Variants in TULP4 observed in about 807,000 individuals in gnomAD.
TULP4 encodes the protein TUB like protein 4, also known as tubby-related protein 4.
TULP4 carries 16 observed loss-of-function variants against 129.0 expected under a neutral mutation model. The observed-to-expected ratio is 0.12, with a 90% CI of 0.08 to 0.19. The LOEUF (loss-of-function observed/expected upper bound fraction) is 0.19, where lower values mean the gene tolerates loss of function less well. Ranked by LOEUF, TULP4 falls within the 10% of genes least tolerant of loss-of-function variation. The pLI is 1.00. For synonymous variants in TULP4, 998 were observed against 854.0 expected, an observed-to-expected ratio of 1.17 and a Z score of -2.94; for missense variants, 1,842 against 2,059.1, an observed-to-expected ratio of 0.89 and a Z score of 2.04.
chr6:158,239,039 G>A (rs1777788337), intron 1 of TULP4, among the ~76,000 whole-genome samples: 1 of 141,102 alleles, frequency 7.1e-6, no homozygotes, highest in Non-Finnish European at 1.6e-5. Context: ...CGGACGAGGC[G>A]GCTGGCCGGG....
At chr6:158,248,271 G>A (rs1374872548) in intron 1 of TULP4, among the ~76,000 whole-genome samples, 4 of 151,448 alleles carry the variant, frequency 2.6e-5, no homozygotes, top group African/African-American at 7.3e-5. Flanking sequence ...GCCAGGCCTC[G>A]TCTTTTTTTT....
At chr6:158,333,558 TCACCTTCCCTCTGCC>T (rs1320759599) in intron 1 of TULP4, among the ~76,000 whole-genome samples, 1 of 152,236 alleles carries the variant, frequency 6.6e-6, no homozygotes, top group African/African-American at 2.4e-5. Flanking sequence ...CAGTTCTTCT[TCACCTTCCCTCTGCC>T]CACCTTCCCA....
intron 3 of TULP4, among the ~76,000 whole-genome samples, chr6:158,433,976 G>A (rs1303982291): frequency 6.6e-6 from 1 of 152,204 alleles, no homozygotes; most frequent in Admixed American, 6.5e-5. Flanking sequence ...CCAAGATCAA[G>A]GTGTTGGCAG....
chr6:158,349,059 G>GGA (rs1780404872), intron 1 of TULP4, among the ~76,000 whole-genome samples: 3 of 36,162 alleles, frequency 8.3e-5, no homozygotes, highest in Non-Finnish European at 1.9e-4. Flanking sequence ...CTTCCCAGAC[G>GGA]GGGCGGCCAG....
At chr6:158,444,718 A>G (rs979690343) in intron 3 of TULP4, among the ~76,000 whole-genome samples, 22 of 152,204 alleles carry the variant, frequency 1.4e-4, no homozygotes, top group African/African-American at 4.3e-4. Context: ...ATTGATAATA[A>G]TTGTGTTTAT....
At chr6:158,386,197 C>G (rs547535217) in intron 1 of TULP4, among the ~76,000 whole-genome samples, 1 of 152,066 alleles carries the variant, frequency 6.6e-6, no homozygotes, top group South Asian at 2.1e-4. Flanking sequence ...CTGAGATACT[C>G]ACCCTAAATT....
intron 1 of TULP4, among the ~76,000 whole-genome samples, chr6:158,265,732 T>TC (rs552799008): frequency 6.6e-6 from 1 of 152,132 alleles, no homozygotes; most frequent in Non-Finnish European, 1.5e-5. Flanking sequence ...ACTTTTTTTT[T>TC]CTTAAGCATT....
chr6:158,283,451 T>G (rs1778791294), intron 1 of TULP4, among the ~76,000 whole-genome samples: 1 of 152,216 alleles, frequency 6.6e-6, no homozygotes, highest in Admixed American at 6.5e-5. Context: ...TGGCTTGTGC[T>G]CTGAATCTTA....
chr6:158,283,368 T>C (rs1372782943), intron 1 of TULP4, among the ~76,000 whole-genome samples: 1 of 152,206 alleles, frequency 6.6e-6, no homozygotes, highest in African/African-American at 2.4e-5. Flanking sequence ...TAATAAATGT[T>C]TCGAAGCCCC....
At chr6:158,322,261 C>T (rs1332744679) in intron 1 of TULP4, among the ~76,000 whole-genome samples, 1 of 152,134 alleles carries the variant, frequency 6.6e-6, no homozygotes, top group Non-Finnish European at 1.5e-5. Context: ...AGATTTGTGA[C>T]CAACTAAGGT....
chr6:158,321,193 G>A (rs775150968), intron 1 of TULP4, among the ~76,000 whole-genome samples: 11 of 152,070 alleles, frequency 7.2e-5, no homozygotes, highest in Non-Finnish European at 1.6e-4. Context: ...TGCACTTGAT[G>A]TCTCAGTAGC....
chr6:158,350,769 T>A (rs1302928384), intron 1 of TULP4, among the ~76,000 whole-genome samples: 1 of 151,142 alleles, frequency 6.6e-6, no homozygotes, highest in African/African-American at 2.4e-5. Context: ...GAGAGCTTTT[T>A]TTTTTTTTTA....
At chr6:158,292,023 T>TCTA (rs200052959) in intron 1 of TULP4, among the ~76,000 whole-genome samples, 1 of 152,368 alleles carries the variant, frequency 6.6e-6, no homozygotes, top group East Asian at 1.9e-4. Context: ...GTGTGTTTAG[T>TCTA]AATTTTTAAT....
chr6:158,419,892 G>A lies in TULP4; in HGVS notation c.381+6699G>A, dbSNP rs144940730. On this transcript the variant is annotated intron_variant, in intron 2 of 13. Coordinates refer to ENST00000367097, the MANE Select transcript of TULP4 (RefSeq NM_020245.5). ...GACATACTCAGACATTTTAACGACA[G>A]TCAGCAAAGATGTAGATGATCTGAG... is the stretch of plus-strand genomic sequence containing the variant. Among the ~76,000 whole-genome samples, 376 of 152,312 alleles carry A rather than the reference G, an allele frequency of 2.5e-3. 1 individual carries two copies. Among genetic ancestry groups the A allele is most frequent in the Middle Eastern group, 0.014 (4 of 294 alleles).
At chr6:158,257,234 C>A (rs1372589986) in intron 1 of TULP4, among the ~76,000 whole-genome samples, 1 of 152,038 alleles carries the variant, frequency 6.6e-6, no homozygotes, top group East Asian at 1.9e-4. Flanking sequence ...GGACTCTGTT[C>A]GTTTCTGCCC....
At chr6:158,338,685 T>G (rs1346060202) in intron 1 of TULP4, among the ~76,000 whole-genome samples, 1 of 152,196 alleles carries the variant, frequency 6.6e-6, no homozygotes, top group East Asian at 1.9e-4. Flanking sequence ...GCTAGCAGGT[T>G]GGAAGGTAAA....
chr6:158,435,022 C>T (rs964113528), intron 3 of TULP4, among the ~76,000 whole-genome samples: 1 of 152,230 alleles, frequency 6.6e-6, no homozygotes, highest in Non-Finnish European at 1.5e-5. Context: ...ACAACGGGCT[C>T]TGCCCAGAAC....
chr6:158,461,910 CCAGT>C (rs375776009), intron 6 of TULP4, among the ~76,000 whole-genome samples, 181 bp downstream of exon 6: 11 of 151,950 alleles, frequency 7.2e-5, no homozygotes, highest in African/African-American at 2.7e-4. Context: ...ATTCTATTTC[CCAGT>C]CAAATGAGCA....
At chr6:158,348,481 AG>A (rs1327958656) in intron 1 of TULP4, among the ~76,000 whole-genome samples, 10 of 152,104 alleles carry the variant, frequency 6.6e-5, no homozygotes, top group Non-Finnish European at 1.0e-4. Flanking sequence ...TTCAGAGAGC[AG>A]GGGGTTAGGG....
Sources: allele counts gnomAD v4.1 joint callset (sites outside exome capture counted in the v4.1 genomes callset), GRCh38; gene constraint gnomAD v4.1.1; transcripts MANE v1.5; gene names NCBI Gene and HGNC (gene_info 2026-07-23, HGNC 2026-07-21).